SLC22A2: variants seen among roughly 807,000 people sequenced by gnomAD.
SLC22A2 encodes the protein solute carrier family 22 member 2.
In SLC22A2, 46 loss-of-function variants were observed where a neutral mutation model predicts 60.5. That is an observed-to-expected ratio of 0.76 (90% CI 0.60 to 0.97). The LOEUF (loss-of-function observed/expected upper bound fraction) is 0.97. SLC22A2 is among the 50% of genes least tolerant of loss of function. SLC22A2 has a pLI of 0.00. For synonymous variants in SLC22A2, 303 were observed against 267.0 expected, an observed-to-expected ratio of 1.13 and a Z score of -1.31; for missense variants, 701 against 706.6, an observed-to-expected ratio of 0.99 and a Z score of 0.09.
intron 9 of SLC22A2, among the ~76,000 whole-genome samples, chr6:160,229,080 C>A (rs1782775616): frequency 6.6e-6 from 1 of 151,872 alleles, no homozygotes. Flanking sequence ...ATCAGGGGAC[C>A]TCTCTTGGGA....
intron 9 of SLC22A2, among the ~76,000 whole-genome samples, chr6:160,227,737 T>C (rs1782746412): frequency 6.6e-6 from 1 of 152,232 alleles, no homozygotes; most frequent in Non-Finnish European, 1.5e-5. Flanking sequence ...ACTTACAGGA[T>C]TGCATTCCCA....
chr6:160,256,471 A>T, intron 2 of SLC22A2, 143 bp downstream of exon 2: 1 of 629,618 alleles, frequency 1.6e-6, no homozygotes. Flanking sequence ...GAAATTTAAG[A>T]TTGTAAAAAC....
chr6:160,235,649 T>G (rs1314394856), intron 9 of SLC22A2, among the ~76,000 whole-genome samples: 1 of 151,132 alleles, frequency 6.6e-6, no homozygotes, highest in Non-Finnish European at 1.5e-5. Flanking sequence ...AGTTTTTCCA[T>G]AAATTGAACA....
At chr6:160,221,387 ATCT>A (rs1287029743) in intron 10 of SLC22A2, among the ~76,000 whole-genome samples, 1 of 152,180 alleles carries the variant, frequency 6.6e-6, no homozygotes, top group Non-Finnish European at 1.5e-5. Context: ...GACCGGTTTG[ATCT>A]TCTATCCAGA....
chr6:160,242,766 T>C lies in SLC22A2; in HGVS notation c.1280-364A>G, dbSNP rs532772412. ...ACAGAGTGGTATGTTTGTTACTTGATGAACCTTCAGTGGCAACGATAATCA... is the reference window on the plus strand; with the variant it reads ...ACAGAGTGGTATGTTTGTTACTTGACGAACCTTCAGTGGCAACGATAATCA... On this transcript the variant is annotated intron_variant, in intron 7 of 10. Coordinates refer to ENST00000366953, the MANE Select transcript of SLC22A2 (RefSeq NM_003058.4). 1.6e-4 allele frequency among the ~76,000 whole-genome samples: 24 copies of C among 152,156 alleles called. No homozygotes were observed. In the South Asian group the frequency reaches 4.6e-3, roughly 29 times the overall value.
intron 9 of SLC22A2, among the ~76,000 whole-genome samples, chr6:160,231,357 T>A (rs1782820779): frequency 6.6e-6 from 1 of 151,762 alleles, no homozygotes; most frequent in South Asian, 2.1e-4. Flanking sequence ...CTCCTTTGCG[T>A]CTTCCTCTTG....
intron 9 of SLC22A2, among the ~76,000 whole-genome samples, chr6:160,229,880 G>A (rs1782790771): frequency 6.6e-6 from 1 of 151,812 alleles, no homozygotes; most frequent in Admixed American, 6.6e-5. Context: ...GCCAGAAAAT[G>A]GCACTTTTGA....
Position 160,224,144 on chromosome 6 carries a change from C to T in SLC22A2, c.1601+561G>A, listed in dbSNP as rs185245046. On this transcript the variant is annotated intron_variant, in intron 10 of 10. Coordinates refer to ENST00000366953, the MANE Select transcript of SLC22A2 (RefSeq NM_003058.4). Reference sequence around the variant, plus strand: ...ATTCTTCCCCAACATAGTGTGTTACCAAGTAATTTTAGTTTTGACAATCCA... The same window carrying T: ...ATTCTTCCCCAACATAGTGTGTTACTAAGTAATTTTAGTTTTGACAATCCA... Among the ~76,000 whole-genome samples the T allele has an allele frequency of 6.6e-5, 10 of 152,260 alleles. No homozygotes were observed. In the East Asian group the frequency reaches 1.7e-3, roughly 26 times the overall value.
At chr6:160,236,137 GT>G (rs1399397759) in intron 9 of SLC22A2, among the ~76,000 whole-genome samples, 2 of 152,130 alleles carry the variant, frequency 1.3e-5, no homozygotes, top group African/African-American at 4.8e-5. Flanking sequence ...TCAAAAGGTG[GT>G]TTTATAATCA....
In SLC22A2 at chr6:160,235,893, G is replaced by T. The variant is rs113578753; in HGVS notation, c.1501+5581C>A. Among the ~76,000 whole-genome samples, 216 of 152,188 alleles carry T rather than the reference G, an allele frequency of 1.4e-3. 1 individual carries two copies. The highest frequency in any genetic ancestry group is 4.9e-3 in the African/African-American group (203 of 41,526). On this transcript the variant is annotated intron_variant, in intron 9 of 10. Transcript: ENST00000366953. The stretch of plus-strand genomic sequence containing the variant: ...ATTGTTGAACATAAAATGGTGTTTG[G>T]CTGTCTTTGGGCTCTATTTGTATAA...
intron 9 of SLC22A2, among the ~76,000 whole-genome samples, chr6:160,237,571 C>A (rs1293620540): frequency 6.6e-6 from 1 of 152,142 alleles, no homozygotes; most frequent in African/African-American, 2.4e-5. Flanking sequence ...AATATCATCA[C>A]CCTTAATCAG....
intron 9 of SLC22A2, among the ~76,000 whole-genome samples, chr6:160,233,259 A>G (rs1040042056): frequency 6.7e-6 from 1 of 149,526 alleles, no homozygotes; most frequent in African/African-American, 2.5e-5. Context: ...GAAGGCCACC[A>G]TGGTCATTTC....
At chr6:160,233,162 C>A (rs948163234) in intron 9 of SLC22A2, among the ~76,000 whole-genome samples, 1 of 152,044 alleles carries the variant, frequency 6.6e-6, no homozygotes, top group Non-Finnish European at 1.5e-5. Flanking sequence ...ACTTTACTCA[C>A]ATGCCCCGAG....
At chr6:160,248,735 G>C (rs2114868176) in intron 4 of SLC22A2, among the ~76,000 whole-genome samples, 1 of 152,248 alleles carries the variant, frequency 6.6e-6, no homozygotes, top group East Asian at 1.9e-4. Context: ...GGTCTGTCTG[G>C]AGTGTCATGT....
Position 160,233,463 on chromosome 6 carries a change from C to A in SLC22A2, c.1501+8011G>T, listed in dbSNP as rs1000531499. Reference sequence around the variant, plus strand: ...GACTAATGGTCTTTTAAAAACACACCTCACGAAGCTCAGCCACCAACTTTA... The same window carrying A: ...GACTAATGGTCTTTTAAAAACACACATCACGAAGCTCAGCCACCAACTTTA... On this transcript the variant is annotated intron_variant, in intron 9 of 10. Coordinates refer to ENST00000366953, the MANE Select transcript of SLC22A2 (RefSeq NM_003058.4). 2.0e-5 allele frequency among the ~76,000 whole-genome samples: 3 copies of A among 151,766 alleles called. 1 individual carries two copies. The highest frequency in any genetic ancestry group is 7.3e-5 in the African/African-American group (3 of 41,094).
At position 160,245,467 on chromosome 6, in the gene SLC22A2, T is replaced by C. The variant is rs777323072; in HGVS notation, c.1036A>G (p.Lys346Glu). The C allele has an allele frequency of 8.1e-6, 13 of 1,603,586 alleles. No homozygotes were observed. The Admixed American group carries it at 2.2e-4, about 27-fold the overall frequency. Residue 346 changes from lysine to glutamate, a missense_variant, in exon 6 of 11, where the codon AAA becomes GAA. Transcript: ENST00000366953. ...LDLVRTPQIR[K>E]HTMILMYNWF... ...TTGTACATCAATATCATAGTATGTT[T>C]CCTTATCTGAGGAGTTCTGACCAAG... is the stretch of plus-strand genomic sequence containing the variant.
intron 4 of SLC22A2, 24 bp from the exon 5 acceptor site, chr6:160,247,322 G>A (rs1168785178): frequency 7.9e-7 from 1 of 1,271,284 alleles, no homozygotes; most frequent in Non-Finnish European, 1.2e-6. Flanking sequence ...TGAGCGGAGG[G>A]CAACTCTTAC....
chr6:160,245,630 C>CA, intron 5 of SLC22A2, 85 bp from the exon 6 acceptor site: 3 of 691,582 alleles, frequency 4.3e-6, no homozygotes, highest in South Asian at 4.8e-5. Flanking sequence ...AATTTCTTAC[C>CA]GTCCTGAGCG....
intron 9 of SLC22A2, among the ~76,000 whole-genome samples, chr6:160,237,612 T>C (rs1782931435): frequency 6.6e-6 from 1 of 152,158 alleles, no homozygotes; most frequent in African/African-American, 2.4e-5. Context: ...TGGATCTTTG[T>C]CTCTCTGCAA....
Sources: gnomAD v4.1 joint callset for allele counts (sites outside exome capture counted in the v4.1 genomes callset) on GRCh38, gnomAD v4.1.1 for gene constraint, MANE v1.5 for transcripts, NCBI Gene and HGNC (gene_info 2026-07-23, HGNC 2026-07-21) for gene names.